Variants in DLGAP1 observed in about 807,000 individuals in gnomAD.
DLGAP1 encodes the protein DLG associated protein 1, also known as disks large-associated protein 1.
Under a neutral mutation model 90.8 loss-of-function variants are expected in DLGAP1, and 11 were observed. That is an observed-to-expected ratio of 0.12 (90% CI 0.08 to 0.20). The LOEUF (loss-of-function observed/expected upper bound fraction) is 0.20. Among genes scored for constraint, DLGAP1 ranks in the 10% least tolerant of loss-of-function variants. The pLI is 1.00. For missense variants in DLGAP1, 1,050 were observed against 1,333.8 expected (o/e 0.79, Z 3.31); for synonymous variants, 558 against 540.7 (o/e 1.03, Z -0.44).
At chr18:3,566,125 G>T (rs572232227) in intron 9 of DLGAP1, among the ~76,000 whole-genome samples, 1 of 152,000 alleles carries the variant, frequency 6.6e-6, no homozygotes, top group African/African-American at 2.4e-5. Context: ...TGCTATTATT[G>T]GTTATTTGAT....
intron 11 of DLGAP1, among the ~76,000 whole-genome samples, chr18:3,507,394 G>A (rs1282838926): frequency 1.3e-5 from 2 of 151,338 alleles, no homozygotes; most frequent in Non-Finnish European, 3.0e-5. Context: ...GCATGCACCT[G>A]TAGTCCCAGC....
chr18:3,663,986 ATT>A (rs1490135900), intron 7 of DLGAP1, among the ~76,000 whole-genome samples: 7 of 152,150 alleles, frequency 4.6e-5, no homozygotes, highest in African/African-American at 1.4e-4. Context: ...GTAAGAGAGA[ATT>A]CTCTGTCTCT....
At chr18:4,091,410 T>A (rs1462387527) in intron 2 of DLGAP1, among the ~76,000 whole-genome samples, 1 of 152,234 alleles carries the variant, frequency 6.6e-6, no homozygotes, top group African/African-American at 2.4e-5. Context: ...CTTGCTTTGA[T>A]TCTTTCATTA....
At chr18:3,537,883 T>C (rs1297031373) in intron 9 of DLGAP1, among the ~76,000 whole-genome samples, 4 of 152,222 alleles carry the variant, frequency 2.6e-5, no homozygotes, top group African/African-American at 7.2e-5. Context: ...TTTAAGATAG[T>C]TTGTTGGCCA....
intron 3 of DLGAP1, among the ~76,000 whole-genome samples, chr18:3,989,801 C>G (rs533805796): frequency 6.6e-6 from 1 of 152,074 alleles, no homozygotes; most frequent in Non-Finnish European, 1.5e-5. Flanking sequence ...AAACAAACAA[C>G]CCCATCAAAA....
At chr18:4,223,357 A>C (rs2078118826) in intron 1 of DLGAP1, among the ~76,000 whole-genome samples, 1 of 152,210 alleles carries the variant, frequency 6.6e-6, no homozygotes, top group Non-Finnish European at 1.5e-5. Flanking sequence ...AAATGGAAGA[A>C]GTATTCCAAG....
chr18:4,317,302 T>C (rs1408369881), intron 1 of DLGAP1, among the ~76,000 whole-genome samples: 1 of 152,194 alleles, frequency 6.6e-6, no homozygotes, highest in Non-Finnish European at 1.5e-5. Context: ...CTTCATCTAT[T>C]ACCATCTTTT....
At chr18:3,763,329 T>C (rs998957509) in intron 5 of DLGAP1, among the ~76,000 whole-genome samples, 2 of 152,210 alleles carry the variant, frequency 1.3e-5, no homozygotes, top group African/African-American at 4.8e-5. Context: ...AACTACAGAC[T>C]GAAGGCTGCA....
chr18:4,245,902 T>TTGGGGACAGGGCCCCGACTCGTCTTGGG (rs1568469294), intron 1 of DLGAP1, among the ~76,000 whole-genome samples: 1 of 152,232 alleles, frequency 6.6e-6, no homozygotes, highest in Non-Finnish European at 1.5e-5. Flanking sequence ...CCGACTCATC[T>TTGGGGACAGGGCCCCGACTCGTCTTGGG]GTTTTGCCTG....
chr18:4,342,484 G>C lies in DLGAP1; in HGVS notation c.-267+112522C>G, dbSNP rs182552873. Among the ~76,000 whole-genome samples the C allele has an allele frequency of 4.0e-4, 61 of 152,200 alleles. 1 individual carries two copies. Among genetic ancestry groups the C allele is most frequent in the Admixed American group, 2.2e-3 (33 of 15,294 alleles). ...TTAAATAAGAGCCATTTCTAACTTT[G>C]ATCAAATGGCCTAATGTTACCTCAT... On this transcript the variant is annotated intron_variant, in intron 1 of 12. Coordinates refer to ENST00000315677, the MANE Select transcript of DLGAP1 (RefSeq NM_004746.4). This position sits in a 1 kb window ranked among gnomAD's most constrained non-coding sequence, Gnocchi z 5.8.
At chr18:4,075,848 C>T (rs1337646586) in intron 2 of DLGAP1, among the ~76,000 whole-genome samples, 1 of 152,084 alleles carries the variant, frequency 6.6e-6, no homozygotes, top group African/African-American at 2.4e-5. Flanking sequence ...TATTGCTTTA[C>T]AAGAGAAATG....
At chr18:3,545,868 AG>A (rs780427380) in intron 9 of DLGAP1, among the ~76,000 whole-genome samples, 39 of 152,212 alleles carry the variant, frequency 2.6e-4, no homozygotes, top group Non-Finnish European at 4.7e-4. Context: ...GGTAGGAAAC[AG>A]GATGTTTTCT....
chr18:3,866,358 C>T (rs572765219), intron 4 of DLGAP1, among the ~76,000 whole-genome samples: 89 of 152,196 alleles, frequency 5.8e-4, no homozygotes, highest in African/African-American at 2.0e-3. Flanking sequence ...TTATTAAGAA[C>T]AGATACAGAA....
chr18:4,354,228 G>T (rs1034063797), intron 1 of DLGAP1, among the ~76,000 whole-genome samples: 3 of 152,086 alleles, frequency 2.0e-5, no homozygotes, highest in Admixed American at 6.5e-5. Context: ...CTTCCCCAAG[G>T]TGAGTCACAG....
chr18:3,830,164 T>C (rs867222441), intron 4 of DLGAP1, among the ~76,000 whole-genome samples: 1 of 152,218 alleles, frequency 6.6e-6, no homozygotes, highest in Non-Finnish European at 1.5e-5. Flanking sequence ...GTCAATTTCA[T>C]TGACAATGTT....
intron 9 of DLGAP1, among the ~76,000 whole-genome samples, chr18:3,561,772 G>A (rs1030373884): frequency 4.0e-5 from 6 of 150,508 alleles, no homozygotes; most frequent in Non-Finnish European, 8.8e-5. Context: ...ACTAAGCCTC[G>A]CTATGTTGCT....
intron 8 of DLGAP1, among the ~76,000 whole-genome samples, chr18:3,577,122 A>G (rs1313038903): frequency 6.6e-6 from 1 of 152,078 alleles, no homozygotes; most frequent in African/African-American, 2.4e-5. Flanking sequence ...CGGCCTCCCA[A>G]AGTGCAGGGA....
At chr18:3,990,760 T>C (rs912004254) in intron 3 of DLGAP1, among the ~76,000 whole-genome samples, 1 of 151,806 alleles carries the variant, frequency 6.6e-6, no homozygotes, top group Admixed American at 6.6e-5. Flanking sequence ...TCTCACATTA[T>C]ATATGTATGT....
chr18:3,568,439 T>C (rs2054558847), intron 8 of DLGAP1, among the ~76,000 whole-genome samples: 1 of 152,138 alleles, frequency 6.6e-6, no homozygotes, highest in Non-Finnish European at 1.5e-5. Flanking sequence ...TAATAACCTA[T>C]GCAACAGATT....
Sources: gnomAD v4.1 joint callset for allele counts (sites outside exome capture counted in the v4.1 genomes callset) on GRCh38, gnomAD v4.1.1 for gene constraint, Gnocchi (gnomAD v3.1) non-coding constraint, MANE v1.5 for transcripts, NCBI Gene and HGNC (gene_info 2026-07-23, HGNC 2026-07-21) for gene names.